The following LINGO2 variants were observed in gnomAD, a reference collection of about 807,000 sequenced individuals.
The protein encoded by LINGO2 is leucine rich repeat and Ig domain containing 2.
Under a neutral mutation model 30.6 loss-of-function variants are expected in LINGO2, and 14 were observed. The ratio of observed to expected loss-of-function variants is 0.46; its 90% CI spans 0.30 to 0.72. The LOEUF (loss-of-function observed/expected upper bound fraction) is 0.72. Among genes scored for constraint, LINGO2 ranks in the 30% least tolerant of loss-of-function variants. LINGO2 has a pLI of 0.07. For synonymous variants in LINGO2, 317 were observed against 288.5 expected (o/e 1.10, Z -1.00); for missense variants, 729 against 751.7 (o/e 0.97, Z 0.35).
chr9:28,051,002 A>G (rs1055472888), intron 4 of LINGO2, among the ~76,000 whole-genome samples: 4 of 150,952 alleles, frequency 2.6e-5, no homozygotes, highest in South Asian at 4.2e-4. Flanking sequence ...AAATACAAGG[A>G]TGGTTGAAAC....
chr9:28,769,893 C>A, the LINGO2 span, among the ~76,000 whole-genome samples: 1 of 151,462 alleles, frequency 6.6e-6, no homozygotes. Context: ...CTTTTTTGCT[C>A]ATTTTTATCT....
In LINGO2 at chr9:28,164,038, G is replaced by C. The variant is rs116962173; in HGVS notation, c.-87+131170C>G. On this transcript the variant is annotated intron_variant, in intron 4 of 5. Coordinates refer to ENST00000379992, the Ensembl canonical transcript of LINGO2. The stretch of plus-strand genomic sequence containing the variant: ...TAAAGTCAAAAATATAAATTAATCA[G>C]GAGTAAATTTTCTCTAAATATTGGA... 2.0e-4 allele frequency among the ~76,000 whole-genome samples: 30 copies of C among 152,152 alleles called. No individual in the cohort carries two copies. In the East Asian group the frequency reaches 3.5e-3, roughly 18 times the overall value.
chr9:28,714,515 C>T, the LINGO2 span, among the ~76,000 whole-genome samples: 302 of 152,122 alleles, frequency 2.0e-3, 2 homozygotes, highest in Admixed American at 0.014. Flanking sequence ...CTGATTGTCA[C>T]GTGTTGAAGA....
chr9:28,954,273 T>C, the LINGO2 span, among the ~76,000 whole-genome samples: 1 of 152,290 alleles, frequency 6.6e-6, no homozygotes, highest in East Asian at 1.9e-4. Flanking sequence ...AATGAAAAAG[T>C]AGCTAGTTCA....
At chr9:28,987,384 T>G in the LINGO2 span, among the ~76,000 whole-genome samples, 1 of 152,056 alleles carries the variant, frequency 6.6e-6, no homozygotes, top group Admixed American at 6.6e-5. Context: ...TGCTATCAAC[T>G]TTAATGTCTT....
chr9:28,892,439 C>T, the LINGO2 span, among the ~76,000 whole-genome samples: 1 of 151,948 alleles, frequency 6.6e-6, no homozygotes, highest in Non-Finnish European at 1.5e-5. Context: ...TTGTACTTTT[C>T]ATGCTTATTC....
At chr9:28,839,239 A>G in the LINGO2 span, among the ~76,000 whole-genome samples, 1 of 152,178 alleles carries the variant, frequency 6.6e-6, no homozygotes. Context: ...CAGTCCTGCT[A>G]TTCAGAAGGT....
At chr9:28,035,268 C>CA (rs1319264735) in intron 4 of LINGO2, among the ~76,000 whole-genome samples, 1 of 152,096 alleles carries the variant, frequency 6.6e-6, no homozygotes, top group East Asian at 1.9e-4. Context: ...TTTGTATAGG[C>CA]AAAATAGATA....
chr9:28,091,998 A>T (rs1315403060), intron 4 of LINGO2, among the ~76,000 whole-genome samples: 1 of 152,216 alleles, frequency 6.6e-6, no homozygotes, highest in Non-Finnish European at 1.5e-5. Context: ...ACAATGAGAT[A>T]CCATCTCATA....
At chr9:28,268,931 G>T in intron 4 of LINGO2, among the ~76,000 whole-genome samples, 1 of 151,964 alleles carries the variant, frequency 6.6e-6, no homozygotes, top group Non-Finnish European at 1.5e-5. Context: ...TTCTCTGCTG[G>T]CCTTTCTAAT....
intron 1 of LINGO2, among the ~76,000 whole-genome samples, chr9:28,615,269 T>C (rs1826089047): frequency 6.6e-6 from 1 of 152,162 alleles, no homozygotes; most frequent in Non-Finnish European, 1.5e-5. Context: ...ACACTCTAAA[T>C]ATTCACTTAA....
At chr9:29,160,808 G>T in the LINGO2 span, among the ~76,000 whole-genome samples, 1 of 152,222 alleles carries the variant, frequency 6.6e-6, no homozygotes, top group African/African-American at 2.4e-5. Flanking sequence ...CTTTGGTCAA[G>T]ATTATGCCGA....
chr9:28,725,080 C>A, the LINGO2 span, among the ~76,000 whole-genome samples: 1 of 151,744 alleles, frequency 6.6e-6, no homozygotes, highest in African/African-American at 2.4e-5. Context: ...AAATTCAGAG[C>A]GTATTTTTTA....
intron 4 of LINGO2, among the ~76,000 whole-genome samples, chr9:28,163,944 C>T (rs1297398066): frequency 6.6e-6 from 1 of 152,164 alleles, no homozygotes; most frequent in Admixed American, 6.5e-5. Context: ...TGGCTTGTAA[C>T]ATTGATCAAG....
chr9:28,079,499 G>A (rs1825716067), intron 4 of LINGO2, among the ~76,000 whole-genome samples: 1 of 152,152 alleles, frequency 6.6e-6, no homozygotes, highest in Admixed American at 6.5e-5. Context: ...TCGTTTGAAA[G>A]CTTATGCTCT....
At chr9:29,089,401 T>C in the LINGO2 span, among the ~76,000 whole-genome samples, 1 of 151,914 alleles carries the variant, frequency 6.6e-6, no homozygotes, top group Non-Finnish European at 1.5e-5. Flanking sequence ...AGTAATAGTA[T>C]TATTATCTTT....
chr9:28,772,118 A>T, the LINGO2 span, among the ~76,000 whole-genome samples: 1 of 152,176 alleles, frequency 6.6e-6, no homozygotes, highest in Non-Finnish European at 1.5e-5. Context: ...GAAGAATGAG[A>T]TGCCTTACAT....
At chr9:28,918,308 C>T in the LINGO2 span, among the ~76,000 whole-genome samples, 1 of 152,144 alleles carries the variant, frequency 6.6e-6, no homozygotes, top group Non-Finnish European at 1.5e-5. Flanking sequence ...AACCACCCCC[C>T]CAGGGTTCAA....
At chr9:28,331,026 G>A (rs1014734633) in intron 3 of LINGO2, among the ~76,000 whole-genome samples, 18 of 151,906 alleles carry the variant, frequency 1.2e-4, no homozygotes, top group Non-Finnish European at 2.6e-4. Flanking sequence ...CCTGTGTGAA[G>A]TTGACATTGT....
Sources: allele counts gnomAD v4.1 joint callset (sites outside exome capture counted in the v4.1 genomes callset), GRCh38; gene constraint gnomAD v4.1.1; transcripts MANE v1.5; gene names NCBI Gene and HGNC (gene_info 2026-07-23, HGNC 2026-07-21).